Variants in MROH1 observed in about 807,000 individuals in gnomAD.
MROH1 encodes the protein maestro heat like repeat family member 1.
A neutral mutation model predicts 116.5 loss-of-function variants in MROH1; 117 were observed. The observed-to-expected ratio is 1.00, with a 90% CI of 0.86 to 1.17. MROH1 has a LOEUF of 1.17. Ranked by LOEUF, MROH1 falls within the 50% of genes most tolerant of loss-of-function variation. The probability of loss-of-function intolerance (pLI) is 0.00; values close to 1 mark genes in which losing one functional copy is unlikely to be tolerated. For synonymous variants in MROH1, 921 were observed against 583.9 expected (o/e 1.58, Z -8.32); for missense variants, 1,873 against 1,338.5 (o/e 1.40, Z -6.23).
intron 21 of MROH1, 104 bp downstream of exon 21, chr8:144,241,215 CGT>C: frequency 1.4e-6 from 1 of 699,076 alleles, no homozygotes; most frequent in Non-Finnish European, 2.6e-6. Context: ...CCTGTGTGTG[CGT>C]GTGTGCATAC....
chr8:144,151,712 G>A (rs1416279392), intron 1 of MROH1, among the ~76,000 whole-genome samples: 2 of 152,196 alleles, frequency 1.3e-5, no homozygotes, highest in East Asian at 3.8e-4. Context: ...AACTAAAAGA[G>A]CACCCTGGAA....
intron 10 of MROH1, among the ~76,000 whole-genome samples, chr8:144,196,430 C>A (rs1829920468): frequency 6.6e-6 from 1 of 151,828 alleles, no homozygotes; most frequent in Non-Finnish European, 1.5e-5. Flanking sequence ...GATCTTGACT[C>A]ACTGCAACCT....
intron 1 of MROH1, among the ~76,000 whole-genome samples, chr8:144,159,765 A>ATTTTTTTTTTTTTT (rs1161961224): frequency 8.1e-6 from 1 of 123,756 alleles, no homozygotes; most frequent in African/African-American, 3.1e-5. Flanking sequence ...ACGCCTGGTA[A>ATTTTTTTTTTTTTT]TTTTTTTTTT....
chr8:144,207,946 CTTT>C (rs1335877700), intron 12 of MROH1, among the ~76,000 whole-genome samples: 4 of 135,096 alleles, frequency 3.0e-5, no homozygotes, highest in Admixed American at 7.5e-5. Context: ...TTTTTAATTA[CTTT>C]TTTTTTTTTT....
intron 10 of MROH1, among the ~76,000 whole-genome samples, chr8:144,194,842 A>G (rs1829439577): frequency 6.6e-6 from 1 of 152,072 alleles, no homozygotes; most frequent in African/African-American, 2.4e-5. Context: ...CAGGAAGTTG[A>G]GGCTGCAGTG....
chr8:144,254,411 A>G (rs935249389), intron 33 of MROH1: 7,851 of 174,590 alleles, frequency 0.045, 240 homozygotes, highest in African/African-American at 0.084. Flanking sequence ...CTGCGGTGCC[A>G]TCTGAGTGTT....
chr8:144,259,307 A>AT lies in MROH1; in HGVS notation c.3997_3998insT (p.Ser1333MetfsTer4), dbSNP rs1311169655. 1.4e-6 allele frequency: 1 copy of AT among 715,014 alleles called. No individual in the cohort carries two copies. The highest frequency in any genetic ancestry group is 2.6e-6 in the Non-Finnish European group (1 of 384,894). 44.3% of individuals were successfully genotyped at this position (715,014 alleles called of 1,614,324 possible). Reference sequence around the variant, plus strand: ...GAAGACGCTGGCATGCACACACAGCAGTGCGTATGAGAACCAGAGGGTGAC... The same window carrying AT: ...GAAGACGCTGGCATGCACACACAGCATGTGCGTATGAGAACCAGAGGGTGAC... On this transcript the variant is annotated frameshift_variant, in exon 37 of 44. Coordinates refer to ENST00000326134, the MANE Select transcript of MROH1 (RefSeq NM_032450.3). LOFTEE classifies it high-confidence loss of function.
chr8:144,211,548 AC>A (rs925380369), intron 12 of MROH1, among the ~76,000 whole-genome samples: 9 of 150,668 alleles, frequency 6.0e-5, no homozygotes, highest in Non-Finnish European at 1.0e-4. Flanking sequence ...ACATGGTGAA[AC>A]CCCCCTCCCT....
At chr8:144,212,133 G>T (rs368215167) in intron 12 of MROH1, among the ~76,000 whole-genome samples, 12 of 152,010 alleles carry the variant, frequency 7.9e-5, no homozygotes, top group African/African-American at 2.9e-4. Context: ...GCCCAGGGTG[G>T]AGTGTAGCGG....
intron 9 of MROH1, 139 bp downstream of exon 9, chr8:144,191,994 C>T: frequency 2.0e-6 from 2 of 1,023,128 alleles, no homozygotes; most frequent in Non-Finnish European, 2.8e-6. Flanking sequence ...CAGTGGTGGG[C>T]TGTGAAGGAC....
At chr8:144,151,434 A>G (rs1356159261) in intron 1 of MROH1, among the ~76,000 whole-genome samples, 1 of 152,120 alleles carries the variant, frequency 6.6e-6, no homozygotes, top group Non-Finnish European at 1.5e-5. Context: ...CTGGCTGGAC[A>G]AGGTGGAGTT....
At position 144,191,749 on chromosome 8, in the gene MROH1, TGAGCCATCTGCTG is replaced by T; in HGVS notation, c.750_762del (p.Met250IlefsTer42). ...GCCGTGGTGGAGGCTCTGGGGCCTA[TGAGCCATCTGCTG>T]CCCAGTGAGAGGCTGGAAGAGCAGC... On this transcript the variant is annotated frameshift_variant, in exon 9 of 44. Transcript: ENST00000326134. LOFTEE classifies it high-confidence loss of function. The T allele has an allele frequency of 6.2e-7, 1 of 1,613,122 alleles. No individual in the cohort carries two copies. Among genetic ancestry groups the T allele is most frequent in the Non-Finnish European group, 8.5e-7 (1 of 1,179,720 alleles).
At chr8:144,205,765 T>G (rs1381385591) in intron 12 of MROH1, among the ~76,000 whole-genome samples, 1 of 152,210 alleles carries the variant, frequency 6.6e-6, no homozygotes, top group Admixed American at 6.5e-5. Context: ...ATGTGTGTTG[T>G]GTCATTGTTG....
intron 14 of MROH1, 54 bp from the exon 15 acceptor site, chr8:144,238,702 C>G: frequency 1.3e-6 from 1 of 759,310 alleles, no homozygotes; most frequent in East Asian, 2.4e-5. Context: ...GCTGTGTCCT[C>G]AGGCCCAGAG....
At chr8:144,248,648 C>G (rs1283414287) in intron 31 of MROH1, among the ~76,000 whole-genome samples, 1 of 152,238 alleles carries the variant, frequency 6.6e-6, no homozygotes, top group Admixed American at 6.5e-5. Flanking sequence ...CAGGCACCAC[C>G]TTCCAGGAGC....
At chr8:144,257,901 G>A (rs975241220) in intron 35 of MROH1, among the ~76,000 whole-genome samples, 45 of 152,374 alleles carry the variant, frequency 3.0e-4, no homozygotes, top group Middle Eastern at 6.8e-3. Context: ...CGAGGGCAGC[G>A]GAAAGCCACA....
intron 4 of MROH1, among the ~76,000 whole-genome samples, chr8:144,175,952 G>A (rs1823796090): frequency 6.6e-6 from 1 of 152,200 alleles, no homozygotes; most frequent in African/African-American, 2.4e-5. Context: ...AGGAGACTGA[G>A]GCAGAAGAAT....
intron 12 of MROH1, among the ~76,000 whole-genome samples, chr8:144,211,743 A>C (rs1251713391): frequency 1.3e-5 from 2 of 152,056 alleles, no homozygotes; most frequent in African/African-American, 4.8e-5. Context: ...AAAAAAAAGA[A>C]AAAGAAAGGT....
At chr8:144,166,425 G>C (rs1031630542) in intron 3 of MROH1, among the ~76,000 whole-genome samples, 1 of 152,194 alleles carries the variant, frequency 6.6e-6, no homozygotes, top group South Asian at 2.1e-4. Context: ...CGCAGGCCCC[G>C]GTTCAGCTCT....
Sources: gnomAD v4.1 joint callset for allele counts (sites outside exome capture counted in the v4.1 genomes callset) on GRCh38, gnomAD v4.1.1 for gene constraint, MANE v1.5 for transcripts, NCBI Gene and HGNC (gene_info 2026-07-23, HGNC 2026-07-21) for gene names.